Variants in LMAN1L observed in about 807,000 individuals in gnomAD.
LMAN1L encodes the protein lectin, mannose binding 1 like.
In LMAN1L, 60 loss-of-function variants were observed where a neutral mutation model predicts 58.3. The observed-to-expected ratio is 1.03, with a 90% CI of 0.84 to 1.27. The LOEUF is 1.27. LMAN1L is among the 50% of genes most tolerant of loss of function. LMAN1L has a pLI of 0.00. For missense variants in LMAN1L, 629 were observed against 674.0 expected, an observed-to-expected ratio of 0.93 and a Z score of 0.74; for synonymous variants, 280 against 271.6, an observed-to-expected ratio of 1.03 and a Z score of -0.31.
Position 74,822,661 on chromosome 15 carries a change from C to T in LMAN1L, c.1151C>T (p.Ala384Val), listed in dbSNP as rs944252836. 3.1e-6 allele frequency: 5 copies of T among 1,613,912 alleles called. No homozygotes were observed. Among genetic ancestry groups the T allele is most frequent in the Non-Finnish European group, 3.4e-6 (4 of 1,179,962 alleles). The part of the protein sequence containing the change: ...SLNKDSAKVG[A>V]LLHGQWTLLQ... ...CTGCAGGACTCTGCCAAGGTCGGTG[C>T]CCTGCTCCATGGACAGTGGACTCTG... The change falls in exon 11 of 14, where the codon GCC (alanine) becomes GTC (valine). Residue 384 changes from alanine to valine, a missense_variant. Ala to Val is a moderately conservative substitution (Grantham distance 64). Around this residue, in one of 3 missense-constraint regions of LMAN1L, gnomAD observed 573 missense variants for 597.3 expected, o/e 0.96. Transcript: ENST00000309664.
At chr15:74,816,099 A>C (rs2063888760) in intron 1 of LMAN1L, 58 bp from the exon 2 acceptor site, 1 of 1,509,126 alleles carries the variant, frequency 6.6e-7, no homozygotes, top group African/African-American at 1.4e-5. Flanking sequence ...CAAGTGAGAG[A>C]GTGAAGGGGG....
intron 1 of LMAN1L, 110 bp from the exon 2 acceptor site, chr15:74,816,047 C>T (rs2063888493): frequency 7.6e-7 from 1 of 1,323,498 alleles, no homozygotes; most frequent in Non-Finnish European, 1.0e-6. Context: ...TAATGGTAGG[C>T]CTTGGCATTG....
chr15:74,820,190 C>G, intron 7 of LMAN1L, 91 bp downstream of exon 7: 3 of 1,148,548 alleles, frequency 2.6e-6, no homozygotes, highest in Non-Finnish European at 4.0e-6. Flanking sequence ...CATTCCAGCC[C>G]TTACCTCCAC....
chr15:74,819,869 C>T (rs935045324), intron 6 of LMAN1L, 175 bp from the exon 7 acceptor site: 10 of 663,604 alleles, frequency 1.5e-5, no homozygotes, highest in African/African-American at 7.1e-5. Flanking sequence ...ACCACCCACC[C>T]GTCTACCTGT....
At position 74,819,124 on chromosome 15, in the gene LMAN1L, C is replaced by G. The variant is rs1187757946; in HGVS notation, c.598-28C>G. 6 of 1,583,352 alleles carry G rather than the reference C, an allele frequency of 3.8e-6. No individual in the cohort carries two copies. In the Admixed American group the frequency reaches 5.3e-5, roughly 14 times the overall value. On this transcript the variant is annotated intron_variant, in intron 5 of 13. Coordinates refer to ENST00000309664, the MANE Select transcript of LMAN1L (RefSeq NM_021819.3). ...GGAGTCAGAGGTAGGGACACCCCCC[C>G]ACTGCTCACTCTCTCCATGTCCCTC... is the stretch of plus-strand genomic sequence containing the variant.
rs2063913454 is a variant in LMAN1L, at chr15:74,820,870, AGGAGGCCACATCTAAGCAGGCCCTG to A, written c.907+106_907+130del. ...TAATCAGTAGGGAAACTGAGGCCTGAGGAGGCCACATCTAAGCAGGCCCTGGGCCCAAGTGTTCTGTGCTATCCCC... is the reference window on the plus strand; with the variant it reads ...TAATCAGTAGGGAAACTGAGGCCTGAGGCCCAAGTGTTCTGTGCTATCCCC... On this transcript the variant is annotated intron_variant, in intron 8 of 13. Coordinates refer to ENST00000309664, the MANE Select transcript of LMAN1L (RefSeq NM_021819.3). 2.0e-6 allele frequency: 3 copies of A among 1,467,254 alleles called. No homozygotes were observed. In the African/African-American group the frequency reaches 4.2e-5, roughly 21 times the overall value. 90.9% of individuals were successfully genotyped at this position (1,467,254 alleles called of 1,614,324 possible).
At chr15:74,820,842 C>G in intron 8 of LMAN1L, 75 bp downstream of exon 8, 1 of 1,540,886 alleles carries the variant, frequency 6.5e-7, no homozygotes, top group East Asian at 2.3e-5. Flanking sequence ...ACCAGGGGTC[C>G]TTTAATCAGT....
At chr15:74,813,506 ATG>A in intron 1 of LMAN1L, 1 of 456,418 alleles carries the variant, frequency 2.2e-6, no homozygotes, top group East Asian at 6.9e-5. Context: ...CCTTCCCTGT[ATG>A]TGTGTTGTGG....
intron 6 of LMAN1L, 138 bp downstream of exon 6, chr15:74,819,410 C>T: frequency 5.3e-6 from 6 of 1,128,822 alleles, no homozygotes; most frequent in South Asian, 1.8e-5. Context: ...TGGGAGAAGT[C>T]ATGTCTGCCT....
rs1264392396 is a variant in LMAN1L at position 74,819,205 on chromosome 15, T to G, written c.651T>G (p.Asp217Glu). The change falls in exon 6 of 14, where the codon GAT (aspartate) becomes GAG (glutamate). Residue 217 changes from aspartate (D) to glutamate (E), a missense_variant. By Grantham distance (45) the Asp-to-Glu change is conservative. Transcript: ENST00000309664. ...TPSDPGEFCV[D>E]VGPLLLVPGG... ...GTGATCCAGGTGAGTTCTGTGTGGA[T>G]GTGGGGCCCCTGCTTTTGGTCCCTG... The G allele has an allele frequency of 2.5e-6, 4 of 1,614,184 alleles. No homozygotes were observed. Among genetic ancestry groups the G allele is most frequent in the East Asian group, 2.2e-5 (1 of 44,884 alleles).
chr15:74,825,357 C>A, intron 13 of LMAN1L, 119 bp from the exon 14 acceptor site: 1 of 1,132,120 alleles, frequency 8.8e-7, no homozygotes, highest in Non-Finnish European at 1.3e-6. Context: ...CACAGAAAGT[C>A]CAAGAACAGC....
At position 74,821,797 on chromosome 15, in the gene LMAN1L, C is replaced by G. The variant is rs569829201; in HGVS notation, c.1060-32C>G. On this transcript the variant is annotated intron_variant, in intron 9 of 13. Coordinates refer to ENST00000309664, the MANE Select transcript of LMAN1L (RefSeq NM_021819.3). ...GGGAAGAGGGGAGGGGACTTACACT[C>G]CAGGGCCAAGCCTCTCTGATCCTAT... is the stretch of plus-strand genomic sequence containing the variant. 1.1e-5 allele frequency: 17 copies of G among 1,524,744 alleles called. No homozygotes were observed. In the East Asian group the frequency reaches 3.8e-4, roughly 34 times the overall value. The allele number at this position is 1,524,744 out of a possible 1,614,324, so 94.5% of individuals were successfully genotyped here.
chr15:74,819,387 C>T, intron 6 of LMAN1L, 115 bp downstream of exon 6: 1 of 1,337,688 alleles, frequency 7.5e-7, no homozygotes, highest in Non-Finnish European at 1.0e-6. Flanking sequence ...ATGACCTGGG[C>T]TTCTGTGACC....
chr15:74,814,016 C>T (rs1196199564), intron 1 of LMAN1L, among the ~76,000 whole-genome samples: 1 of 151,448 alleles, frequency 6.6e-6, no homozygotes, highest in East Asian at 2.0e-4. Flanking sequence ...GTCCCAGCTC[C>T]TCAGGAGGCT....
chr15:74,818,846 GCT>G (rs2063904205), intron 5 of LMAN1L, 29 bp downstream of exon 5: 1 of 1,565,964 alleles, frequency 6.4e-7, no homozygotes, highest in African/African-American at 1.4e-5. Context: ...TTCTGACAGG[GCT>G]CTGAGTTACA....
At chr15:74,814,558 A>G (rs2063882037) in intron 1 of LMAN1L, among the ~76,000 whole-genome samples, 1 of 152,124 alleles carries the variant, frequency 6.6e-6, no homozygotes, top group Non-Finnish European at 1.5e-5. Context: ...TACTTTTAGT[A>G]GAGATGGGGT....
chr15:74,816,340 G>C (rs755427164), intron 2 of LMAN1L, 29 bp downstream of exon 2: 1 of 1,609,152 alleles, frequency 6.2e-7, no homozygotes, highest in Non-Finnish European at 8.5e-7. Context: ...AGCTGACAGA[G>C]CGGGGTGGGT....
At chr15:74,824,693 G>T (rs1203058209) in intron 13 of LMAN1L, 3 of 538,450 alleles carry the variant, frequency 5.6e-6, no homozygotes, top group African/African-American at 3.8e-5. Flanking sequence ...CTGCTCTCAC[G>T]GAGCTCACTC....
intron 7 of LMAN1L, 121 bp from the exon 8 acceptor site, chr15:74,820,514 A>C: frequency 7.7e-7 from 1 of 1,300,498 alleles, no homozygotes; most frequent in Non-Finnish European, 1.1e-6. Context: ...GAGGGCTGGA[A>C]ACTGCAGGGC....
Sources: allele counts gnomAD v4.1 joint callset (sites outside exome capture counted in the v4.1 genomes callset), GRCh38; gene constraint gnomAD v4.1.1; regional missense constraint gnomAD v4.1.1; transcripts MANE v1.5; gene names NCBI Gene and HGNC (gene_info 2026-07-23, HGNC 2026-07-21).